PAIP2B: variants seen among roughly 807,000 people sequenced by gnomAD.
The protein encoded by PAIP2B is polyadenylate-binding protein-interacting protein 2B.
Under a neutral mutation model 17.0 loss-of-function variants are expected in PAIP2B, and 13 were observed. The observed-to-expected ratio is 0.76, with a 90% CI of 0.50 to 1.22. PAIP2B has a LOEUF of 1.22. PAIP2B is among the 50% of genes most tolerant of loss of function. The pLI is 0.00. For missense variants in PAIP2B, 117 were observed against 144.5 expected (o/e 0.81, Z 0.98); for synonymous variants, 43 against 48.7 (o/e 0.88, Z 0.48).
Position 71,186,087 on chromosome 2 carries a change from G to C in PAIP2B, c.*2392C>G, listed in dbSNP as rs1374047867. The C allele has an allele frequency of 1.3e-5, 2 of 152,202 alleles. No homozygotes were observed. The highest frequency in any genetic ancestry group is 2.4e-5 in the African/African-American group (1 of 41,448). The allele number at this position is 152,202 out of a possible 1,614,324, so 9.4% of individuals were successfully genotyped here. On this transcript the variant is annotated 3_prime_UTR_variant, in exon 4 of 4. Transcript: ENST00000244221. ...ACAAGTCTTACCATTAAAGGGTAAA[G>C]GTGTCCAGTCTGGCTTGCTGGTTCT...
At chr2:71,224,623 C>T (rs1675674743) in intron 1 of PAIP2B, among the ~76,000 whole-genome samples, 1 of 152,078 alleles carries the variant, frequency 6.6e-6, no homozygotes, top group South Asian at 2.1e-4. Context: ...CAGGTAGGTT[C>T]AGGAAATGGC....
chr2:71,210,647 T>G (rs1312372710), intron 1 of PAIP2B, among the ~76,000 whole-genome samples: 3 of 152,254 alleles, frequency 2.0e-5, no homozygotes, highest in Admixed American at 6.5e-5. Flanking sequence ...ATCACTTATG[T>G]GGTCCCTATA....
chr2:71,192,443 T>C (rs982465448), intron 2 of PAIP2B, among the ~76,000 whole-genome samples: 6 of 152,136 alleles, frequency 3.9e-5, no homozygotes, highest in African/African-American at 1.4e-4. Context: ...TCAGTAATCT[T>C]TGATGTTACT....
chr2:71,195,169 T>G (rs78501496), intron 2 of PAIP2B, among the ~76,000 whole-genome samples: 9,943 of 152,288 alleles, frequency 0.065, 355 homozygotes, highest in African/African-American at 0.088. Context: ...CAAGGATATT[T>G]CCCTGAAGTT....
At chr2:71,211,999 A>AT (rs1438843231) in intron 1 of PAIP2B, among the ~76,000 whole-genome samples, 2 of 152,226 alleles carry the variant, frequency 1.3e-5, no homozygotes, top group Non-Finnish European at 2.9e-5. Context: ...AGCAATTAGC[A>AT]TATGGTCCTT....
At chr2:71,192,322 T>C (rs573712892) in intron 2 of PAIP2B, among the ~76,000 whole-genome samples, 4 of 152,104 alleles carry the variant, frequency 2.6e-5, no homozygotes, top group Admixed American at 2.6e-4. Context: ...AGCAAGCCTA[T>C]TGGCGCCTTT....
At chr2:71,214,252 A>T (rs1260772243) in intron 1 of PAIP2B, among the ~76,000 whole-genome samples, 3 of 152,180 alleles carry the variant, frequency 2.0e-5, no homozygotes, top group African/African-American at 7.2e-5. Flanking sequence ...TGACTACCCC[A>T]TACTCACACT....
rs141490929 is a variant in PAIP2B, at chr2:71,189,160, G to A, written c.316-625C>T. The stretch of plus-strand genomic sequence containing the variant: ...CCTTCCAAGCTGGGACTACAGGCGC[G>A]CACCACCATGCCTGGCTAATTTTTG... On this transcript the variant is annotated intron_variant, in intron 3 of 3. Coordinates refer to ENST00000244221, the MANE Select transcript of PAIP2B (RefSeq NM_020459.1). 8.2e-3 allele frequency among the ~76,000 whole-genome samples: 1,251 copies of A among 152,022 alleles called. 4 individuals carry two copies. The highest frequency in any genetic ancestry group is 0.011 in the Non-Finnish European group (767 of 67,952).
At chr2:71,199,169 A>T (rs550423951) in intron 2 of PAIP2B, among the ~76,000 whole-genome samples, 23 of 152,196 alleles carry the variant, frequency 1.5e-4, no homozygotes, top group Non-Finnish European at 1.5e-5. Flanking sequence ...AAGCATTTTA[A>T]TTCAGATGTT....
intron 1 of PAIP2B, among the ~76,000 whole-genome samples, chr2:71,213,447 G>A (rs1675350354): frequency 6.6e-6 from 1 of 152,142 alleles, no homozygotes; most frequent in Non-Finnish European, 1.5e-5. Context: ...GGGTCCTTGA[G>A]GGACGAGGGT....
At chr2:71,207,465 G>T (rs1186302346) in intron 1 of PAIP2B, among the ~76,000 whole-genome samples, 2 of 152,088 alleles carry the variant, frequency 1.3e-5, no homozygotes, top group Non-Finnish European at 2.9e-5. Flanking sequence ...AAGGATTTTG[G>T]ATTTCATCCT....
At chr2:71,199,384 C>A (rs762275187) in intron 2 of PAIP2B, among the ~76,000 whole-genome samples, 8 of 147,812 alleles carry the variant, frequency 5.4e-5, no homozygotes, top group Admixed American at 1.4e-4. Flanking sequence ...AGACACCCAA[C>A]GGGAAAATGA....
chr2:71,185,061 C>G lies in PAIP2B; in HGVS notation c.*3418G>C, dbSNP rs1226799493. The G allele has an allele frequency of 6.6e-6, 1 of 152,152 alleles. No homozygotes were observed. Among genetic ancestry groups the G allele is most frequent in the Non-Finnish European group, 1.5e-5 (1 of 68,032 alleles). The allele number at this position is 152,152 out of a possible 1,614,324, so 9.4% of individuals were successfully genotyped here. ...TGTCTACCTGGGGTTTGCAGCAGCC[C>G]TAGTACAAGAAGATTCATTCGTGCT... On this transcript the variant is annotated 3_prime_UTR_variant, in exon 4 of 4. Transcript: ENST00000244221.
rs796677010 is a variant in PAIP2B, at chr2:71,194,491, GT to G, written c.139-4471del. ...TGTGTGTGTGTGTGTGTGTGTGTGT[GT>G]GGCAACTGTGAATGGGATTGCCTTT... On this transcript the variant is annotated intron_variant, in intron 2 of 3. Coordinates refer to ENST00000244221, the MANE Select transcript of PAIP2B (RefSeq NM_020459.1). 2.7e-3 allele frequency among the ~76,000 whole-genome samples: 375 copies of G among 136,744 alleles called. 2 individuals are homozygous for G. The East Asian group carries it at 0.036, about 13-fold the overall frequency. 89.7% of individuals were successfully genotyped at this position (136,744 alleles called of 152,430 possible).
In PAIP2B at chr2:71,185,838, G is replaced by GA. The variant is rs1289390163; in HGVS notation, c.*2640dup. 1 of 152,146 alleles carries GA rather than the reference G, an allele frequency of 6.6e-6. No individual in the cohort carries two copies. Among genetic ancestry groups the GA allele is most frequent in the African/African-American group, 2.4e-5 (1 of 41,438 alleles). 9.4% of individuals were successfully genotyped at this position (152,146 alleles called of 1,614,324 possible). A position where few individuals can be genotyped will look rare whatever the true frequency, so the allele number is the denominator to read the frequency against. Reference sequence around the variant, plus strand: ...TCATTTGGGTTTTTTCCCTTGAAAAGAAAGAGATAAATTATTTTCATCTTG... The same window carrying GA: ...TCATTTGGGTTTTTTCCCTTGAAAAGAAAAGAGATAAATTATTTTCATCTTG... On this transcript the variant is annotated 3_prime_UTR_variant, in exon 4 of 4. Transcript: ENST00000244221.
At chr2:71,197,587 T>C (rs1463861608) in intron 2 of PAIP2B, among the ~76,000 whole-genome samples, 1 of 152,230 alleles carries the variant, frequency 6.6e-6, no homozygotes, top group Non-Finnish European at 1.5e-5. Flanking sequence ...TTTTCATGGA[T>C]GGTATCCTTG....
Position 71,188,446 on chromosome 2 carries a change from G to T in PAIP2B, c.*33C>A. 6.3e-7 allele frequency: 1 copy of T among 1,580,940 alleles called. No homozygotes were observed. Among genetic ancestry groups the T allele is most frequent in the Non-Finnish European group, 8.6e-7 (1 of 1,156,296 alleles). ...TGTGCATTACTATCCCCAGATGTGGGGACAGACAAGTCTTCCTCAAAGCTT... is the reference window on the plus strand; with the variant it reads ...TGTGCATTACTATCCCCAGATGTGGTGACAGACAAGTCTTCCTCAAAGCTT... On this transcript the variant is annotated 3_prime_UTR_variant, in exon 4 of 4. Transcript: ENST00000244221.
intron 1 of PAIP2B, among the ~76,000 whole-genome samples, chr2:71,206,364 C>T (rs1675127783): frequency 6.6e-6 from 1 of 152,216 alleles, no homozygotes; most frequent in Non-Finnish European, 1.5e-5. Flanking sequence ...CTTCACCCCA[C>T]TTTCCCTCTT....
intron 1 of PAIP2B, among the ~76,000 whole-genome samples, chr2:71,209,586 C>T (rs1169299117): frequency 6.6e-6 from 1 of 152,164 alleles, no homozygotes; most frequent in East Asian, 1.9e-4. Context: ...CATCCTTACT[C>T]CATGGTAGGA....
Sources: allele counts gnomAD v4.1 joint callset (sites outside exome capture counted in the v4.1 genomes callset), GRCh38; gene constraint gnomAD v4.1.1; transcripts MANE v1.5; gene names NCBI Gene and HGNC (gene_info 2026-07-23, HGNC 2026-07-21).